The following C2CD3 variants were observed in gnomAD, a reference collection of about 807,000 sequenced individuals.
The protein encoded by C2CD3 is C2 domain-containing protein 3.
C2CD3 carries 148 observed loss-of-function variants against 234.0 expected under a neutral mutation model. That is an observed-to-expected ratio of 0.63 (90% CI 0.55 to 0.72). C2CD3 has a LOEUF of 0.72. C2CD3 is among the 30% of genes least tolerant of loss of function. The pLI, the probability that C2CD3 is intolerant of heterozygous loss-of-function variation, is 0.00. For missense variants in C2CD3, 2,577 were observed against 2,811.5 expected (o/e 0.92, Z 1.89); for synonymous variants, 1,000 against 1,035.4 (o/e 0.97, Z 0.66).
intron 32 of C2CD3, 60 bp downstream of exon 32, chr11:74,028,227 A>G: frequency 8.1e-7 from 1 of 1,237,092 alleles, no homozygotes; most frequent in South Asian, 1.3e-5. Flanking sequence ...CATTCTGTGC[A>G]CACTTCTGTG....
intron 25 of C2CD3, among the ~76,000 whole-genome samples, chr11:74,057,057 C>G (rs1207476504): frequency 2.0e-5 from 3 of 152,094 alleles, no homozygotes; most frequent in Non-Finnish European, 4.4e-5. Flanking sequence ...TGTCACCAAA[C>G]CCAGCTTGAT....
intron 8 of C2CD3, among the ~76,000 whole-genome samples, chr11:74,122,219 C>G (rs1470775825): frequency 6.6e-5 from 10 of 152,158 alleles, no homozygotes; most frequent in Admixed American, 6.6e-4. Flanking sequence ...TGTATCTTTT[C>G]TCTGCTTCTC....
At chr11:74,052,580 G>C (rs1322319616) in intron 26 of C2CD3, among the ~76,000 whole-genome samples, 2 of 152,204 alleles carry the variant, frequency 1.3e-5, no homozygotes, top group East Asian at 1.9e-4. Context: ...GTACTTTAGA[G>C]AGAAGAGAGA....
chr11:74,077,771 GTATATATATATATATATA>G (rs553597652), intron 23 of C2CD3, among the ~76,000 whole-genome samples: 10 of 69,182 alleles, frequency 1.4e-4, no homozygotes, highest in Admixed American at 4.8e-4. Context: ...AGAACTTACA[GTATATATATATATATATA>G]TATATATATA....
At chr11:74,114,307 T>C (rs1956853208) in intron 10 of C2CD3, 77 bp downstream of exon 10, 5 of 930,198 alleles carry the variant, frequency 5.4e-6, no homozygotes, top group Non-Finnish European at 8.6e-6. Flanking sequence ...ATCACAGTAT[T>C]ATGCAATTGT....
intron 32 of C2CD3, among the ~76,000 whole-genome samples, chr11:74,027,626 A>G (rs1952357369): frequency 6.6e-6 from 1 of 152,054 alleles, no homozygotes; most frequent in Admixed American, 6.6e-5. Flanking sequence ...TTTGCTCATT[A>G]TTTGTGCTCC....
intron 32 of C2CD3, among the ~76,000 whole-genome samples, chr11:74,023,869 C>T (rs1591271447): frequency 6.6e-6 from 1 of 152,230 alleles, no homozygotes; most frequent in African/African-American, 2.4e-5. Context: ...ATCTTGTTAT[C>T]ATTCAATCAC....
chr11:74,027,378 G>A (rs1256258185), intron 32 of C2CD3, among the ~76,000 whole-genome samples: 1 of 152,142 alleles, frequency 6.6e-6, no homozygotes, highest in Non-Finnish European at 1.5e-5. Context: ...AAAGTGCTGG[G>A]ATTACAGGTA....
At chr11:74,104,064 C>T (rs1956421873) in intron 13 of C2CD3, among the ~76,000 whole-genome samples, 1 of 152,056 alleles carries the variant, frequency 6.6e-6, no homozygotes, top group Non-Finnish European at 1.5e-5. Flanking sequence ...ATATAGAATG[C>T]CAATTAATAA....
At chr11:74,061,589 C>G (rs562978729) in intron 24 of C2CD3, among the ~76,000 whole-genome samples, 2 of 152,226 alleles carry the variant, frequency 1.3e-5, no homozygotes, top group South Asian at 2.1e-4. Context: ...TTTTTCTCAC[C>G]ACCAGGCCTG....
At chr11:74,109,883 T>C (rs1391388341) in intron 11 of C2CD3, among the ~76,000 whole-genome samples, 2 of 151,572 alleles carry the variant, frequency 1.3e-5, no homozygotes, top group African/African-American at 2.4e-5. Flanking sequence ...CCATCCTGGC[T>C]AACATGGTGA....
At position 74,142,870 on chromosome 11, in the gene C2CD3, C is replaced by T. The variant is rs1176527831; in HGVS notation, c.484-3042G>A. 5.1e-4 allele frequency among the ~76,000 whole-genome samples: 77 copies of T among 152,170 alleles called. 1 individual carries two copies. Among genetic ancestry groups the T allele is most frequent in the Non-Finnish European group, 1.0e-4 (7 of 68,018 alleles). On this transcript the variant is annotated intron_variant, in intron 3 of 32. Transcript: ENST00000334126. ...ATTTGCCTCCCCAATCATGATTCAT[C>T]CTGGTGCTCACTCCTCTGCCAATCC...
intron 32 of C2CD3, among the ~76,000 whole-genome samples, chr11:74,018,202 C>A (rs1052877875): frequency 1.3e-5 from 2 of 152,136 alleles, no homozygotes; most frequent in African/African-American, 4.8e-5. Context: ...TAATATCTTA[C>A]AAAACACAGA....
chr11:74,022,124 G>A (rs534246454), intron 32 of C2CD3, among the ~76,000 whole-genome samples: 1 of 151,718 alleles, frequency 6.6e-6, no homozygotes, highest in African/African-American at 2.4e-5. Context: ...ATTCCGTCTC[G>A]GGGAAAAAAA....
At chr11:74,026,483 A>G (rs572248538) in intron 32 of C2CD3, among the ~76,000 whole-genome samples, 74 of 152,326 alleles carry the variant, frequency 4.9e-4, no homozygotes, top group African/African-American at 1.8e-3. Flanking sequence ...CCAGGACTAT[A>G]ACTTTAGGAC....
At chr11:74,109,210 A>C in intron 11 of C2CD3, 58 bp from the exon 12 acceptor site, 2 of 846,690 alleles carry the variant, frequency 2.4e-6, no homozygotes, top group South Asian at 3.4e-5. Context: ...GTCATCATCA[A>C]TTCATGCCTT....
Position 74,161,539 on chromosome 11 carries a change from G to A in C2CD3, c.343C>T (p.Leu115=), listed in dbSNP as rs200241702. ...CCATCAAGTTTGGTGATTACTTCCAGCACCAGCACAGCCATATCTAACCAG... is the reference window on the plus strand; with the variant it reads ...CCATCAAGTTTGGTGATTACTTCCAACACCAGCACAGCCATATCTAACCAG... ...SYLTDMAVLV[L]EVITKLDGLP... is the part of the protein sequence containing the mutation. Residue 115 remains leucine, a synonymous_variant, in exon 3 of 33, where the codon CTG becomes TTG. Transcript: ENST00000334126. 3.2e-6 allele frequency: 5 copies of A among 1,579,208 alleles called. No individual in the cohort carries two copies. The highest frequency in any genetic ancestry group is 4.3e-6 in the Non-Finnish European group (5 of 1,165,380).
intron 7 of C2CD3, among the ~76,000 whole-genome samples, chr11:74,130,641 T>C (rs890539148): frequency 6.6e-6 from 1 of 152,250 alleles, no homozygotes; most frequent in African/African-American, 2.4e-5. Flanking sequence ...CTAACTCATA[T>C]TAGTTGACCA....
Position 74,049,424 on chromosome 11 carries a change from T to A in C2CD3, c.5274A>T (p.Ile1758=), listed in dbSNP as rs748617491. ...TCTCCAAAGGGGAGACAGCAACTTT[T>A]ATCTGCCCCTGGCACTCTCCACTGA... ...TDFSGECQGQ[I]KVAVSPLESL... Residue 1758 remains isoleucine, a synonymous_variant, in exon 27 of 33, where the codon ATA becomes ATT. Transcript: ENST00000334126. 5 of 1,613,986 alleles carry A rather than the reference T, an allele frequency of 3.1e-6. No individual in the cohort carries two copies. Among genetic ancestry groups the A allele is most frequent in the Non-Finnish European group, 3.4e-6 (4 of 1,180,012 alleles).
Sources: gnomAD v4.1 joint callset for allele counts (sites outside exome capture counted in the v4.1 genomes callset) on GRCh38, gnomAD v4.1.1 for gene constraint, MANE v1.5 for transcripts, NCBI Gene and HGNC (gene_info 2026-07-23, HGNC 2026-07-21) for gene names.